The following ROBO2 variants were observed in gnomAD, a reference collection of about 807,000 sequenced individuals.
ROBO2 encodes roundabout homolog 2.
In ROBO2, 53 loss-of-function variants were observed where a neutral mutation model predicts 160.8. The observed-to-expected ratio is 0.33, with a 90% CI of 0.26 to 0.41. The LOEUF (loss-of-function observed/expected upper bound fraction) is 0.41. ROBO2 is among the 10% of genes least tolerant of loss of function. The pLI is 1.00. For missense variants in ROBO2, 1,577 were observed against 1,722.4 expected (o/e 0.92, Z 1.49); for synonymous variants, 664 against 611.7 (o/e 1.09, Z -1.26).
chr3:76,827,231 T>C (rs182825770), intron 2 of ROBO2, among the ~76,000 whole-genome samples: 3 of 152,282 alleles, frequency 2.0e-5, no homozygotes, highest in Admixed American at 1.3e-4. Context: ...AAAAGCTCTT[T>C]TGGACTTAAC....
chr3:76,077,856 A>G (rs955996482), intron 2 of ROBO2, among the ~76,000 whole-genome samples: 1 of 151,976 alleles, frequency 6.6e-6, no homozygotes, highest in African/African-American at 2.4e-5. Context: ...AATTGATTTA[A>G]GGAGACTGTT....
chr3:77,477,434 C>A, exon 3 of ROBO2: 2 of 1,613,816 alleles, frequency 1.2e-6, no homozygotes, highest in Non-Finnish European at 1.7e-6. Flanking sequence ...TGACTTCCGA[C>A]AAAACCCCAC....
At chr3:77,349,771 T>A (rs529254035) in intron 2 of ROBO2, among the ~76,000 whole-genome samples, 64 of 152,248 alleles carry the variant, frequency 4.2e-4, no homozygotes, top group African/African-American at 1.5e-3. Flanking sequence ...TGGATTCATC[T>A]GACCAACTCA....
chr3:76,308,614 C>T (rs2071432481), intron 2 of ROBO2, among the ~76,000 whole-genome samples: 1 of 152,140 alleles, frequency 6.6e-6, no homozygotes, highest in African/African-American at 2.4e-5. Context: ...ACTTTTCCTT[C>T]AGATTGTACT....
intron 2 of ROBO2, among the ~76,000 whole-genome samples, chr3:76,937,098 A>G (rs1312075996): frequency 6.6e-6 from 1 of 152,118 alleles, no homozygotes; most frequent in Non-Finnish European, 1.5e-5. Context: ...CTTAGTAAAC[A>G]CCACAAGTGA....
At chr3:77,577,968 G>A (rs924145366) in intron 15 of ROBO2, among the ~76,000 whole-genome samples, 2 of 152,016 alleles carry the variant, frequency 1.3e-5, no homozygotes, top group African/African-American at 2.4e-5. Context: ...GAGGCTTTAA[G>A]GCAGCTGTTT....
At chr3:76,791,359 G>A (rs965353170) in intron 2 of ROBO2, among the ~76,000 whole-genome samples, 1 of 151,730 alleles carries the variant, frequency 6.6e-6, no homozygotes, top group African/African-American at 2.4e-5. Flanking sequence ...CTCATGTTGT[G>A]CCAAAGGTAG....
chr3:77,571,316 A>G (rs2093631871), intron 13 of ROBO2, among the ~76,000 whole-genome samples: 1 of 152,072 alleles, frequency 6.6e-6, no homozygotes, highest in African/African-American at 2.4e-5. Context: ...GAAGCATCAC[A>G]CTTAAACAGT....
intron 2 of ROBO2, among the ~76,000 whole-genome samples, chr3:77,241,859 T>A (rs1312433853): frequency 6.6e-6 from 1 of 152,196 alleles, no homozygotes; most frequent in African/African-American, 2.4e-5. Flanking sequence ...TTTATGTGGT[T>A]GGAATCTAAA....
chr3:76,887,523 T>A (rs904349394), intron 2 of ROBO2, among the ~76,000 whole-genome samples: 1 of 152,006 alleles, frequency 6.6e-6, no homozygotes, highest in Non-Finnish European at 1.5e-5. Flanking sequence ...GAGGTTGTAA[T>A]GTGGGGAAGG....
intron 2 of ROBO2, among the ~76,000 whole-genome samples, chr3:76,004,009 T>G (rs2065956048): frequency 6.6e-6 from 1 of 152,198 alleles, no homozygotes; most frequent in Admixed American, 6.6e-5. Context: ...CTTTTAAATT[T>G]AAATATAAAT....
At chr3:76,799,707 C>A (rs2064055046) in intron 2 of ROBO2, among the ~76,000 whole-genome samples, 1 of 151,772 alleles carries the variant, frequency 6.6e-6, no homozygotes. Flanking sequence ...AATATTTAGG[C>A]AAGAAATAGA....
chr3:76,788,197 TATA>T (rs2063121729), intron 2 of ROBO2, among the ~76,000 whole-genome samples: 2 of 151,432 alleles, frequency 1.3e-5, no homozygotes, highest in African/African-American at 4.8e-5. Flanking sequence ...CAAATAATAA[TATA>T]ATAATAAAAA....
chr3:77,602,058 T>G (rs746641294), intron 19 of ROBO2, 152 bp from the exon 21 acceptor site: 3 of 781,448 alleles, frequency 3.8e-6, no homozygotes, highest in African/African-American at 1.7e-5. Context: ...TGGCGATGGT[T>G]GTATATCATC....
At chr3:77,458,406 G>A (rs368564654) in intron 2 of ROBO2, among the ~76,000 whole-genome samples, 7 of 152,128 alleles carry the variant, frequency 4.6e-5, no homozygotes, top group African/African-American at 1.4e-4. Flanking sequence ...ATTGAGGCTG[G>A]CTAGAAGGTT....
intron 2 of ROBO2, among the ~76,000 whole-genome samples, chr3:77,164,414 G>A (rs1342896614): frequency 1.1e-5 from 1 of 88,056 alleles, no homozygotes; most frequent in Non-Finnish European, 3.2e-5. Context: ...CGCCCGGCCA[G>A]CCGCCCCGTC....
At chr3:76,057,164 T>G (rs2067877407) in intron 2 of ROBO2, among the ~76,000 whole-genome samples, 1 of 152,206 alleles carries the variant, frequency 6.6e-6, no homozygotes, top group Non-Finnish European at 1.5e-5. Flanking sequence ...GACCTTTTAT[T>G]TATACGTGCT....
intron 1 of ROBO2, among the ~76,000 whole-genome samples, chr3:77,053,195 A>G (rs1050330625): frequency 2.0e-5 from 3 of 152,218 alleles, no homozygotes; most frequent in Non-Finnish European, 2.9e-5. Flanking sequence ...TGTGGCAGCT[A>G]GAAAATCCAA....
chr3:77,228,581 A>C (rs2086774769), intron 2 of ROBO2, among the ~76,000 whole-genome samples: 1 of 151,988 alleles, frequency 6.6e-6, no homozygotes, highest in African/African-American at 2.4e-5. Flanking sequence ...GGACCTGTCC[A>C]CCTGTCCCAG....
Sources: gnomAD v4.1 joint callset for allele counts (sites outside exome capture counted in the v4.1 genomes callset) on GRCh38, gnomAD v4.1.1 for gene constraint, MANE v1.5 for transcripts, NCBI Gene and HGNC (gene_info 2026-07-23, HGNC 2026-07-21) for gene names.